Variants in NOSTRIN observed in about 807,000 individuals in gnomAD.
NOSTRIN encodes BM247 homolog.
A neutral mutation model predicts 59.0 loss-of-function variants in NOSTRIN; 63 were observed. That is an observed-to-expected ratio of 1.07 (90% CI 0.87 to 1.32). NOSTRIN has a LOEUF of 1.32. NOSTRIN is among the 40% of genes most tolerant of loss of function. The probability of loss-of-function intolerance (pLI) is 0.00; values close to 1 mark genes in which losing one functional copy is unlikely to be tolerated. For synonymous variants in NOSTRIN, 200 were observed against 165.4 expected, an observed-to-expected ratio of 1.21 and a Z score of -1.61; for missense variants, 512 against 473.1, an observed-to-expected ratio of 1.08 and a Z score of -0.76.
chr2:168,824,811 C>G, intron 3 of NOSTRIN, 94 bp downstream of exon 3: 2 of 688,244 alleles, frequency 2.9e-6, no homozygotes, highest in Non-Finnish European at 5.2e-6. Flanking sequence ...GGGTCTTGCT[C>G]TGTTACCTGG....
chr2:168,797,084 T>TTTTTTTTC (rs1685502356), upstream of NOSTRIN, among the ~76,000 whole-genome samples: 3 of 31,756 alleles, frequency 9.4e-5, no homozygotes, highest in African/African-American at 3.2e-4. Context: ...TTTTTCTTTT[T>TTTTTTTTC]TTTTTTTTTT....
chr2:168,862,123 G>T, intron 15 of NOSTRIN, 74 bp downstream of exon 15: 1 of 1,343,138 alleles, frequency 7.4e-7, no homozygotes, highest in South Asian at 1.2e-5. Context: ...CCCTGTCTTA[G>T]TGTGGCAGCC....
intron 1 of NOSTRIN, among the ~76,000 whole-genome samples, chr2:168,803,768 T>G (rs1367725163): frequency 6.6e-6 from 1 of 152,226 alleles, no homozygotes; most frequent in Non-Finnish European, 1.5e-5. Flanking sequence ...TGGTTATATA[T>G]AGATTTTTAA....
chr2:168,791,980 G>T (rs11899690), intron 2 of NOSTRIN, among the ~76,000 whole-genome samples: 41,134 of 151,714 alleles, frequency 0.27, 6,975 homozygotes, highest in African/African-American at 0.48. Flanking sequence ...AGAAGCTCTT[G>T]AGTTTAATTA....
intron 10 of NOSTRIN, among the ~76,000 whole-genome samples, chr2:168,852,357 G>A (rs996580999): frequency 6.6e-6 from 1 of 152,106 alleles, no homozygotes; most frequent in Non-Finnish European, 1.5e-5. Flanking sequence ...CAGTGTCCCT[G>A]GTGAGAGCCC....
At chr2:168,841,341 T>C (rs1436523971) in intron 7 of NOSTRIN, among the ~76,000 whole-genome samples, 2 of 152,128 alleles carry the variant, frequency 1.3e-5, no homozygotes, top group African/African-American at 2.4e-5. Context: ...CCAACTTCTT[T>C]GTTTTTCAGA....
intron 2 of NOSTRIN, among the ~76,000 whole-genome samples, chr2:168,814,314 G>A (rs1686292256): frequency 6.6e-6 from 1 of 152,172 alleles, no homozygotes; most frequent in Non-Finnish European, 1.5e-5. Flanking sequence ...AAGGATGGAT[G>A]GTCACAGCAT....
chr2:168,795,360 T>C (rs1251892230), upstream of NOSTRIN, among the ~76,000 whole-genome samples: 1 of 152,232 alleles, frequency 6.6e-6, no homozygotes, highest in East Asian at 1.9e-4. Flanking sequence ...AATGAAGATA[T>C]AATGTAATTT....
chr2:168,802,599 A>T (rs754937173), upstream of NOSTRIN: 14 of 860,684 alleles, frequency 1.6e-5, no homozygotes, highest in Non-Finnish European at 2.8e-5. Context: ...TACAGTGTCC[A>T]GAATGCTGGA....
At chr2:168,797,483 T>C (rs1685516043), upstream of NOSTRIN, among the ~76,000 whole-genome samples, 1 of 152,086 alleles carries the variant, frequency 6.6e-6, no homozygotes, top group South Asian at 2.1e-4. Flanking sequence ...AAGAGTTCAC[T>C]CTCTCTGGGG....
At chr2:168,840,161 A>G (rs1331248794) in intron 7 of NOSTRIN, among the ~76,000 whole-genome samples, 1 of 152,024 alleles carries the variant, frequency 6.6e-6, no homozygotes, top group Non-Finnish European at 1.5e-5. Flanking sequence ...GAGTCCTTGC[A>G]TTGAACTGTT....
chr2:168,828,809 A>C (rs535161667), intron 5 of NOSTRIN, among the ~76,000 whole-genome samples: 3 of 152,222 alleles, frequency 2.0e-5, no homozygotes, highest in African/African-American at 7.2e-5. Flanking sequence ...CTTATTGTAG[A>C]AGAATTTAAT....
chr2:168,825,460 C>T (rs769433893), intron 3 of NOSTRIN, among the ~76,000 whole-genome samples: 15 of 152,186 alleles, frequency 9.9e-5, no homozygotes, highest in Non-Finnish European at 1.6e-4. Context: ...TTTCTCTACT[C>T]TATGGCTTTT....
chr2:168,816,557 G>A (rs981876687), intron 2 of NOSTRIN, among the ~76,000 whole-genome samples: 2 of 152,168 alleles, frequency 1.3e-5, no homozygotes, highest in Non-Finnish European at 2.9e-5. Context: ...CTGCCTGGTA[G>A]ATGTTTCATC....
intron 11 of NOSTRIN, chr2:168,856,023 G>C (rs763605323): frequency 1.9e-5 from 6 of 319,226 alleles, no homozygotes; most frequent in Non-Finnish European, 3.1e-5. Flanking sequence ...GAATACTAGA[G>C]AGCAAATTCA....
intron 6 of NOSTRIN, among the ~76,000 whole-genome samples, chr2:168,831,841 A>G (rs1397757379): frequency 6.6e-6 from 1 of 152,198 alleles, no homozygotes; most frequent in Non-Finnish European, 1.5e-5. Flanking sequence ...TGGGCAATGG[A>G]GACACAGAGA....
At chr2:168,804,405 C>T (rs562955212) in intron 1 of NOSTRIN, among the ~76,000 whole-genome samples, 111 of 152,292 alleles carry the variant, frequency 7.3e-4, no homozygotes, top group Middle Eastern at 3.4e-3. Context: ...TTTCCAAACC[C>T]TCTAAACTCA....
chr2:168,817,795 A>T, intron 2 of NOSTRIN, among the ~76,000 whole-genome samples: 1 of 152,188 alleles, frequency 6.6e-6, no homozygotes, highest in East Asian at 1.9e-4. Flanking sequence ...TGTTCTCAGG[A>T]AGCAGAATTA....
chr2:168,806,014 G>T (rs2105527101), intron 1 of NOSTRIN, among the ~76,000 whole-genome samples: 1 of 152,238 alleles, frequency 6.6e-6, no homozygotes, highest in East Asian at 1.9e-4. Context: ...AGTAGACTAT[G>T]CTCTTTAATG....
Sources: allele counts gnomAD v4.1 joint callset (sites outside exome capture counted in the v4.1 genomes callset), GRCh38; gene constraint gnomAD v4.1.1; transcripts MANE v1.5; gene names NCBI Gene and HGNC (gene_info 2026-07-23, HGNC 2026-07-21).